GRM7: variants seen among roughly 807,000 people sequenced by gnomAD.
The protein encoded by GRM7 is metabotropic glutamate receptor 7.
Under a neutral mutation model 84.5 loss-of-function variants are expected in GRM7, and 35 were observed. That is an observed-to-expected ratio of 0.41 (90% CI 0.32 to 0.55). GRM7 has a LOEUF of 0.55. Among genes scored for constraint, GRM7 ranks in the 20% least tolerant of loss-of-function variants. The pLI, the probability that GRM7 is intolerant of heterozygous loss-of-function variation, is 0.19. For missense variants in GRM7, 1,003 were observed against 1,194.6 expected (o/e 0.84, Z 2.36); for synonymous variants, 487 against 455.1 (o/e 1.07, Z -0.89).
intron 8 of GRM7, among the ~76,000 whole-genome samples, chr3:7,602,224 C>T (rs1455099985): frequency 3.9e-5 from 6 of 152,030 alleles, no homozygotes; most frequent in East Asian, 1.9e-4. Flanking sequence ...GAATTGCACA[C>T]GGAAGAGGCA....
intron 1 of GRM7, among the ~76,000 whole-genome samples, chr3:6,904,348 A>G (rs966583339): frequency 2.6e-5 from 4 of 152,258 alleles, no homozygotes; most frequent in Non-Finnish European, 5.9e-5. Flanking sequence ...GAAAAACTGT[A>G]TGGGTTTAAG....
chr3:7,522,898 CAA>C (rs5846521), intron 7 of GRM7, among the ~76,000 whole-genome samples: 46,288 of 151,772 alleles, frequency 0.3, 7,249 homozygotes, highest in Middle Eastern at 0.38. Context: ...TTCAAGGAAA[CAA>C]GAGAGAGGTA....
chr3:7,248,708 G>A (rs866944819), intron 2 of GRM7, among the ~76,000 whole-genome samples: 1 of 151,940 alleles, frequency 6.6e-6, no homozygotes, highest in Non-Finnish European at 1.5e-5. Context: ...TAAAATATTA[G>A]TGCCAAATAA....
chr3:7,092,942 G>T (rs990402254), intron 1 of GRM7, among the ~76,000 whole-genome samples: 2 of 152,112 alleles, frequency 1.3e-5, no homozygotes, highest in African/African-American at 4.8e-5. Context: ...ATTTAGCCAG[G>T]TGTGGTGGTG....
chr3:7,085,981 AC>A (rs1353878022), intron 1 of GRM7, among the ~76,000 whole-genome samples: 1 of 152,208 alleles, frequency 6.6e-6, no homozygotes, highest in Non-Finnish European at 1.5e-5. Flanking sequence ...AATTTTGAGT[AC>A]TAATGACTTG....
chr3:7,645,545 T>G, intron 8 of GRM7, among the ~76,000 whole-genome samples: 1 of 53,076 alleles, frequency 1.9e-5, no homozygotes, highest in Admixed American at 2.0e-4. Context: ...AGACTCCATC[T>G]TAAAAAAAAA....
At position 6,958,073 on chromosome 3, in the gene GRM7, A is replaced by G. The variant is rs187711397; in HGVS notation, c.519+96166A>G. On this transcript the variant is annotated intron_variant, in intron 1 of 9. Transcript: ENST00000357716. ...GTACACACACTATTTCATTATGTGT[A>G]TATATGTGTGTGTGTGTGTGTGTAT... Among the ~76,000 whole-genome samples the G allele has an allele frequency of 4.9e-3, 735 of 148,588 alleles. 5 individuals carry two copies. The highest frequency in any genetic ancestry group is 0.015 in the African/African-American group (601 of 40,082).
At chr3:7,079,441 T>C (rs141233103) in intron 1 of GRM7, among the ~76,000 whole-genome samples, 23 of 152,300 alleles carry the variant, frequency 1.5e-4, no homozygotes, top group African/African-American at 4.8e-4. Context: ...TTTCAACCTT[T>C]TAAGTAGGTA....
chr3:6,893,827 T>C (rs1696065366), intron 1 of GRM7: 1 of 152,156 alleles, frequency 6.6e-6, no homozygotes, highest in African/African-American at 2.4e-5. Context: ...AGACCCTACA[T>C]TTTTATCCCC....
intron 1 of GRM7, among the ~76,000 whole-genome samples, chr3:7,142,238 A>C (rs746228847): frequency 2.0e-5 from 3 of 152,146 alleles, no homozygotes; most frequent in Non-Finnish European, 4.4e-5. Flanking sequence ...TTAATAATAA[A>C]TAATATTTAT....
chr3:7,210,707 T>C (rs1696393227), intron 2 of GRM7, among the ~76,000 whole-genome samples: 1 of 152,134 alleles, frequency 6.6e-6, no homozygotes, highest in Non-Finnish European at 1.5e-5. Flanking sequence ...AAAGCCTCTG[T>C]GACTACCCTA....
At chr3:7,567,724 G>A (rs1418498191) in intron 7 of GRM7, among the ~76,000 whole-genome samples, 1 of 129,848 alleles carries the variant, frequency 7.7e-6, no homozygotes, top group Non-Finnish European at 1.6e-5. Flanking sequence ...CTCCAGCCTG[G>A]GTGACAGAGT....
intron 1 of GRM7, among the ~76,000 whole-genome samples, chr3:7,131,992 G>T (rs1480373137): frequency 6.6e-6 from 1 of 152,040 alleles, no homozygotes; most frequent in Middle Eastern, 3.2e-3. Context: ...ATTACTTTTT[G>T]AATTTGCTTT....
chr3:7,601,175 G>T (rs1177523266), intron 8 of GRM7, among the ~76,000 whole-genome samples: 1 of 152,122 alleles, frequency 6.6e-6, no homozygotes, highest in African/African-American at 2.4e-5. Flanking sequence ...CATTAATAGA[G>T]AAGCATGTAT....
intron 7 of GRM7, among the ~76,000 whole-genome samples, chr3:7,522,899 A>AAG (rs1491406992): frequency 1.4e-5 from 1 of 73,568 alleles, no homozygotes; most frequent in Non-Finnish European, 3.2e-5. Context: ...TCAAGGAAAC[A>AAG]AGAGAGAGGT....
chr3:7,292,046 T>C (rs549110120), intron 2 of GRM7, among the ~76,000 whole-genome samples: 3 of 152,332 alleles, frequency 2.0e-5, no homozygotes, highest in African/African-American at 7.2e-5. Context: ...GCCATGATCG[T>C]GAGGCCTCCA....
chr3:7,674,317 G>A (rs1036633469), intron 8 of GRM7, among the ~76,000 whole-genome samples: 5 of 151,476 alleles, frequency 3.3e-5, no homozygotes, highest in East Asian at 2.0e-4. Flanking sequence ...TCAGCCTCCC[G>A]AGTAGCTGGG....
chr3:6,991,098 A>G (rs1694618922), intron 1 of GRM7, among the ~76,000 whole-genome samples: 1 of 151,958 alleles, frequency 6.6e-6, no homozygotes, highest in Non-Finnish European at 1.5e-5. Context: ...ACATACATGC[A>G]CACACACACA....
intron 1 of GRM7, among the ~76,000 whole-genome samples, chr3:6,994,796 A>G (rs1354202506): frequency 6.6e-6 from 1 of 152,164 alleles, no homozygotes; most frequent in African/African-American, 2.4e-5. Context: ...TTTAAAAATA[A>G]TTGTTGTTGT....
Sources: gnomAD v4.1 joint callset for allele counts (sites outside exome capture counted in the v4.1 genomes callset) on GRCh38, gnomAD v4.1.1 for gene constraint, MANE v1.5 for transcripts, NCBI Gene and HGNC (gene_info 2026-07-23, HGNC 2026-07-21) for gene names.